LYN: variants seen among roughly 807,000 people sequenced by gnomAD.
LYN encodes the protein tyrosine-protein kinase Lyn.
Under a neutral mutation model 65.0 loss-of-function variants are expected in LYN, and 12 were observed. That is an observed-to-expected ratio of 0.18 (90% CI 0.12 to 0.30). The LOEUF is 0.30. Among genes scored for constraint, LYN ranks in the 10% least tolerant of loss-of-function variants. The pLI is 1.00. For synonymous variants in LYN, 222 were observed against 221.2 expected (o/e 1.00, Z -0.03); for missense variants, 380 against 623.2 (o/e 0.61, Z 4.16).
At chr8:55,907,995 C>A (rs1258073732) in intron 1 of LYN, among the ~76,000 whole-genome samples, 2 of 152,080 alleles carry the variant, frequency 1.3e-5, no homozygotes, top group Non-Finnish European at 2.9e-5. Context: ...AGGGTTGAAA[C>A]CAAAACTTCA....
intron 1 of LYN, among the ~76,000 whole-genome samples, chr8:55,901,710 G>T (rs1040408843): frequency 6.6e-6 from 1 of 152,234 alleles, no homozygotes; most frequent in Non-Finnish European, 1.5e-5. Flanking sequence ...AGCTACAGCA[G>T]CACTGCTCTA....
chr8:55,892,660 G>A (rs766052833), intron 1 of LYN, among the ~76,000 whole-genome samples: 4 of 152,032 alleles, frequency 2.6e-5, no homozygotes, highest in East Asian at 1.9e-4. Flanking sequence ...CTCCCATCTC[G>A]AGATCCCAAA....
chr8:55,980,681 C>G (rs961434346), intron 10 of LYN: 3 of 152,234 alleles, frequency 2.0e-5, no homozygotes, highest in South Asian at 2.1e-4. Context: ...AATGAGCCTC[C>G]CTCCTGTCTC....
intron 1 of LYN, among the ~76,000 whole-genome samples, chr8:55,908,261 T>TTATC (rs1360743051): frequency 4.0e-5 from 6 of 150,872 alleles, no homozygotes; most frequent in Non-Finnish European, 8.9e-5. Context: ...ATTTATTTAT[T>TTATC]TGAGACAGAG....
chr8:56,003,957 A>C (rs1470932777), intron 12 of LYN, among the ~76,000 whole-genome samples: 3 of 86,330 alleles, frequency 3.5e-5, no homozygotes, highest in African/African-American at 1.3e-4. Context: ...TTTGAGATGG[A>C]GTTTCACTCT....
intron 10 of LYN, among the ~76,000 whole-genome samples, chr8:55,997,530 T>C (rs201419386): frequency 6.6e-6 from 1 of 152,144 alleles, no homozygotes; most frequent in Non-Finnish European, 1.5e-5. Context: ...CTCTGGGGTC[T>C]CTTTTACAAG....
chr8:55,941,038 A>ATT (rs1806594452), intron 1 of LYN, among the ~76,000 whole-genome samples: 1 of 152,088 alleles, frequency 6.6e-6, no homozygotes, highest in Admixed American at 6.5e-5. Context: ...CTTCTCTCCC[A>ATT]TAAGTGTGTT....
At chr8:55,915,323 A>G (rs1805752157) in intron 1 of LYN, among the ~76,000 whole-genome samples, 1 of 152,208 alleles carries the variant, frequency 6.6e-6, no homozygotes, top group Admixed American at 6.5e-5. Context: ...TATTAACTAT[A>G]GTTTGTTTAA....
Position 56,010,091 on chromosome 8 carries a change from A to C in LYN, c.1520A>C (p.Gln507Pro). ...LDDFYTATEG[Q>P]YQQQP Reference sequence around the variant, plus strand: ...GATTTCTACACAGCCACGGAAGGGCAATACCAGCAGCAGCCTTAGAGCACA... The same window carrying C: ...GATTTCTACACAGCCACGGAAGGGCCATACCAGCAGCAGCCTTAGAGCACA... Residue 507 changes from glutamine (Q) to proline (P), a missense_variant, in exon 13 of 13, where the codon CAA becomes CCA. Physicochemically the swap from Gln to Pro is moderately conservative, Grantham distance 76. Transcript: ENST00000519728. 1.2e-6 allele frequency: 2 copies of C among 1,614,174 alleles called. No individual in the cohort carries two copies. The highest frequency in any genetic ancestry group is 1.7e-6 in the Non-Finnish European group (2 of 1,180,020).
At chr8:55,923,001 C>T (rs990701096) in intron 1 of LYN, among the ~76,000 whole-genome samples, 1 of 151,992 alleles carries the variant, frequency 6.6e-6, no homozygotes, top group Non-Finnish European at 1.5e-5. Context: ...AGCCTAGAAT[C>T]CAAGTGCAAT....
chr8:56,005,425 T>G (rs905320487), intron 12 of LYN, among the ~76,000 whole-genome samples: 4 of 152,238 alleles, frequency 2.6e-5, no homozygotes, highest in African/African-American at 9.6e-5. Context: ...ACTGGTACTA[T>G]GGGCTCCAGG....
At chr8:55,942,423 A>G (rs1806648984) in intron 2 of LYN, among the ~76,000 whole-genome samples, 1 of 144,440 alleles carries the variant, frequency 6.9e-6, no homozygotes, top group South Asian at 2.1e-4. Flanking sequence ...ATGTGTGTAT[A>G]TATATATATG....
chr8:55,977,469 G>A (rs973887097), intron 10 of LYN, among the ~76,000 whole-genome samples: 1 of 152,146 alleles, frequency 6.6e-6, no homozygotes, highest in African/African-American at 2.4e-5. Flanking sequence ...GGTCTGTTTT[G>A]ACTTTTGGAG....
At chr8:55,880,264 C>T (rs1804613242) in intron 1 of LYN, among the ~76,000 whole-genome samples, 161 bp downstream of exon 1, 1 of 151,934 alleles carries the variant, frequency 6.6e-6, no homozygotes, top group Non-Finnish European at 1.5e-5. Flanking sequence ...CGCCTCTGGG[C>T]TCCGGCGGCG....
At chr8:56,000,760 G>T (rs1055804652) in intron 12 of LYN, among the ~76,000 whole-genome samples, 1 of 148,726 alleles carries the variant, frequency 6.7e-6, no homozygotes, top group African/African-American at 2.5e-5. Flanking sequence ...AAAAAAGAGG[G>T]ATTTCTCCCA....
At chr8:55,909,412 A>C (rs2130401716) in intron 1 of LYN, among the ~76,000 whole-genome samples, 1 of 152,218 alleles carries the variant, frequency 6.6e-6, no homozygotes, top group South Asian at 2.1e-4. Context: ...CCTGAGTGGG[A>C]TTCTGACTTG....
intron 4 of LYN, among the ~76,000 whole-genome samples, chr8:55,948,361 T>G (rs934537969): frequency 6.6e-6 from 1 of 152,226 alleles, no homozygotes; most frequent in Non-Finnish European, 1.5e-5. Context: ...ACTTTTCTTT[T>G]GTTATATTAC....
intron 12 of LYN, among the ~76,000 whole-genome samples, chr8:56,008,993 C>G (rs1158256958): frequency 6.6e-6 from 1 of 152,126 alleles, no homozygotes; most frequent in Non-Finnish European, 1.5e-5. Context: ...CAAATTAATC[C>G]CTAAGTTTTT....
At chr8:55,891,777 G>C (rs1804969873) in intron 1 of LYN, among the ~76,000 whole-genome samples, 1 of 152,200 alleles carries the variant, frequency 6.6e-6, no homozygotes, top group Admixed American at 6.5e-5. Context: ...AGACAGAGGT[G>C]TCCTTGAGGA....
Sources: allele counts gnomAD v4.1 joint callset (sites outside exome capture counted in the v4.1 genomes callset), GRCh38; gene constraint gnomAD v4.1.1; transcripts MANE v1.5; gene names NCBI Gene and HGNC (gene_info 2026-07-23, HGNC 2026-07-21).